Variants in ENTREP2 observed in about 807,000 individuals in gnomAD.
ENTREP2 encodes endosomal transmembrane epsin interactor 2.
chr15:29,135,214 C>T, the ENTREP2 span, among the ~76,000 whole-genome samples: 44 of 152,164 alleles, frequency 2.9e-4, 1 homozygote, highest in South Asian at 4.2e-4. This position sits in a 1 kb window ranked among gnomAD's most constrained non-coding sequence, Gnocchi z 7.4. Flanking sequence ...GTCCCCGAGG[C>T]CTCCAGGACC....
chr15:29,394,856 T>C, the ENTREP2 span, among the ~76,000 whole-genome samples: 6 of 149,050 alleles, frequency 4.0e-5, no homozygotes, highest in Non-Finnish European at 8.9e-5. Context: ...TCAAGGTTCA[T>C]CCATATGTAG....
the ENTREP2 span, among the ~76,000 whole-genome samples, chr15:29,147,360 T>C: frequency 2.0e-5 from 3 of 151,812 alleles, no homozygotes; most frequent in Admixed American, 6.6e-5. Flanking sequence ...TCACCACCAC[T>C]ACGATGGTTA....
chr15:29,197,616 A>G, the ENTREP2 span, among the ~76,000 whole-genome samples: 1 of 152,010 alleles, frequency 6.6e-6, no homozygotes, highest in Non-Finnish European at 1.5e-5. Flanking sequence ...AAATACAAAA[A>G]TTAGCTCGGC....
At chr15:29,312,893 G>A in the ENTREP2 span, among the ~76,000 whole-genome samples, 1 of 152,038 alleles carries the variant, frequency 6.6e-6, no homozygotes, top group Non-Finnish European at 1.5e-5. Context: ...AAAGACAAGA[G>A]CAGCCAAAAG....
At chr15:29,520,091 C>T in the ENTREP2 span, among the ~76,000 whole-genome samples, 17 of 152,304 alleles carry the variant, frequency 1.1e-4, no homozygotes, top group South Asian at 3.5e-3. Flanking sequence ...CCTTGTTGCT[C>T]ACACAAAGCC....
the ENTREP2 span, among the ~76,000 whole-genome samples, chr15:29,260,073 A>G: frequency 6.6e-6 from 1 of 152,206 alleles, no homozygotes; most frequent in African/African-American, 2.4e-5. Flanking sequence ...ACAAGGAAGG[A>G]GACTGAATCA....
chr15:29,245,303 T>G, the ENTREP2 span, among the ~76,000 whole-genome samples: 3 of 152,202 alleles, frequency 2.0e-5, 1 homozygote, highest in Middle Eastern at 6.8e-3. Flanking sequence ...GTAGTAACAT[T>G]TATAACAAAA....
chr15:29,508,046 A>G, the ENTREP2 span, among the ~76,000 whole-genome samples: 1 of 152,184 alleles, frequency 6.6e-6, no homozygotes, highest in Non-Finnish European at 1.5e-5. Flanking sequence ...AATAGACACA[A>G]TAAAAAATGA....
At chr15:29,340,331 A>C in the ENTREP2 span, among the ~76,000 whole-genome samples, 1 of 152,116 alleles carries the variant, frequency 6.6e-6, no homozygotes, top group Non-Finnish European at 1.5e-5. Flanking sequence ...GAAGAATAGG[A>C]GTTTGCTGAT....
chr15:29,498,612 T>A, the ENTREP2 span, among the ~76,000 whole-genome samples: 1 of 152,154 alleles, frequency 6.6e-6, no homozygotes, highest in Admixed American at 6.5e-5. Flanking sequence ...TTTAGAAGAA[T>A]CTGTACTCTG....
At chr15:29,160,479 AG>A in the ENTREP2 span, among the ~76,000 whole-genome samples, 1 of 152,088 alleles carries the variant, frequency 6.6e-6, no homozygotes. Flanking sequence ...TTGGAGGCTA[AG>A]GTCAGATCAT....
At chr15:29,326,120 A>T in the ENTREP2 span, among the ~76,000 whole-genome samples, 1 of 152,160 alleles carries the variant, frequency 6.6e-6, no homozygotes, top group East Asian at 1.9e-4. Flanking sequence ...AAAAGCTAAC[A>T]TCACACCTAA....
At chr15:29,198,816 T>G in the ENTREP2 span, among the ~76,000 whole-genome samples, 9 of 152,378 alleles carry the variant, frequency 5.9e-5, no homozygotes, top group African/African-American at 2.2e-4. Flanking sequence ...CACTATAGTT[T>G]AGTTTCACCT....
At chr15:29,325,400 A>G in the ENTREP2 span, among the ~76,000 whole-genome samples, 15 of 152,108 alleles carry the variant, frequency 9.9e-5, no homozygotes, top group African/African-American at 3.4e-4. Flanking sequence ...AAGGATACAC[A>G]AATTATTAAT....
chr15:29,396,572 C>T, the ENTREP2 span, among the ~76,000 whole-genome samples: 5 of 152,242 alleles, frequency 3.3e-5, no homozygotes, highest in African/African-American at 4.8e-5. Flanking sequence ...TGCCTGTTTA[C>T]TCTCTTAATA....
chr15:29,570,378 G>C, the ENTREP2 span: 1 of 484,276 alleles, frequency 2.1e-6, no homozygotes, highest in Non-Finnish European at 3.2e-6. Flanking sequence ...CCGCGCTGCA[G>C]CTACTCGGCC....
At chr15:29,537,720 C>T in the ENTREP2 span, among the ~76,000 whole-genome samples, 1 of 152,136 alleles carries the variant, frequency 6.6e-6, no homozygotes, top group African/African-American at 2.4e-5. Context: ...GCTCAAAACC[C>T]TCCAGTAGCT....
At chr15:29,508,286 C>T in the ENTREP2 span, among the ~76,000 whole-genome samples, 1 of 152,132 alleles carries the variant, frequency 6.6e-6, no homozygotes, top group Non-Finnish European at 1.5e-5. Flanking sequence ...AAGCCCAGGA[C>T]CAGATGGATT....
At chr15:29,492,998 C>T in the ENTREP2 span, among the ~76,000 whole-genome samples, 29 of 148,290 alleles carry the variant, frequency 2.0e-4, no homozygotes, top group Middle Eastern at 3.6e-3. Flanking sequence ...AGTGAGACTC[C>T]GTCTCCAAAA....
Sources: allele counts gnomAD v4.1 joint callset (sites outside exome capture counted in the v4.1 genomes callset), GRCh38; gene constraint gnomAD v4.1.1; non-coding constraint Gnocchi (gnomAD v3.1); transcripts MANE v1.5; gene names NCBI Gene and HGNC (gene_info 2026-07-23, HGNC 2026-07-21).